Variants in MAP3K4 observed in about 807,000 individuals in gnomAD.
MAP3K4 encodes the protein MAP three kinase 1.
MAP3K4 carries 67 observed loss-of-function variants against 185.6 expected under a neutral mutation model. That is an observed-to-expected ratio of 0.36 (90% confidence interval 0.30 to 0.44). The LOEUF (loss-of-function observed/expected upper bound fraction) is 0.44, where lower values mean the gene tolerates loss of function less well. MAP3K4 is among the 20% of genes least tolerant of loss of function. The pLI is 1.00. For synonymous variants in MAP3K4, 702 were observed against 710.4 expected (o/e 0.99, Z 0.19); for missense variants, 1,551 against 1,995.1 (o/e 0.78, Z 4.24).
chr6:161,037,896 C>T lies in MAP3K4; in HGVS notation c.343+3447C>T, dbSNP rs542681783. Among the ~76,000 whole-genome samples, 2 of 152,210 alleles carry T rather than the reference C, an allele frequency of 1.3e-5. No individual in the cohort carries two copies. The highest frequency in any genetic ancestry group is 1.5e-5 in the Non-Finnish European group (1 of 68,008). On this transcript the variant is annotated intron_variant, in intron 2 of 26. Transcript: ENST00000392142. The surrounding 1 kb of genome is among the most constrained non-coding windows in gnomAD (Gnocchi z 4.2). ...GTGTAGCTACTGTTCCTGCTTCTGT[C>T]CTGCCTGGACTACACATTTCCTTGT...
Position 161,098,765 on chromosome 6 carries a change from C to T in MAP3K4, c.3674+338C>T, listed in dbSNP as rs946015538. 1.3e-5 allele frequency among the ~76,000 whole-genome samples: 2 copies of T among 152,186 alleles called. No homozygotes were observed. Among genetic ancestry groups the T allele is most frequent in the Admixed American group, 6.5e-5 (1 of 15,282 alleles). ...TTGCCTCACAGAGAGAGCCTGGAGTCACAAGGTGGTTAAAAGATGGCATCT... is the reference window on the plus strand; with the variant it reads ...TTGCCTCACAGAGAGAGCCTGGAGTTACAAGGTGGTTAAAAGATGGCATCT... On this transcript the variant is annotated intron_variant, in intron 17 of 26. Coordinates refer to ENST00000392142, the MANE Select transcript of MAP3K4 (RefSeq NM_005922.4). This position sits in a 1 kb window ranked among gnomAD's most constrained non-coding sequence, Gnocchi z 4.4.
chr6:161,068,936 A>T (rs1784818031), intron 3 of MAP3K4, among the ~76,000 whole-genome samples: 1 of 152,188 alleles, frequency 6.6e-6, no homozygotes, highest in African/African-American at 2.4e-5. Flanking sequence ...ACAGTTCTAG[A>T]TGTGGGGGTT....
In MAP3K4 at chr6:161,101,940, A is replaced by G; in HGVS notation, c.3723A>G (p.Glu1241=). 1.9e-6 allele frequency: 3 copies of G among 1,614,162 alleles called. No individual in the cohort carries two copies. The highest frequency in any genetic ancestry group is 4.5e-5 in the East Asian group (2 of 44,882). ...ATCGATTGGCTTCCATAGCTGCTGA[A>G]TTGCAGTTTAGGTCCCTGAGTCGTC... ...ENDRLASIAA[E]LQFRSLSRHS... is the part of the protein sequence containing the mutation. Residue 1241 remains glutamate, a synonymous_variant, in exon 18 of 27, where the codon GAA becomes GAG. Transcript: ENST00000392142. This position sits in a 1 kb window ranked among gnomAD's most constrained non-coding sequence, Gnocchi z 5.1.
intron 1 of MAP3K4, among the ~76,000 whole-genome samples, chr6:161,005,663 AAGT>A (rs1167822246): frequency 6.6e-6 from 1 of 152,226 alleles, no homozygotes; most frequent in Non-Finnish European, 1.5e-5. Context: ...CTTAAGCATT[AAGT>A]AGTAGTAATG....
At chr6:161,094,938 A>G (rs551429498) in intron 15 of MAP3K4, among the ~76,000 whole-genome samples, 1 of 152,346 alleles carries the variant, frequency 6.6e-6, no homozygotes, top group East Asian at 1.9e-4. Flanking sequence ...ATAAGGAATC[A>G]TTTTCATTGT....
At chr6:161,065,083 A>C (rs1235358510) in intron 3 of MAP3K4, among the ~76,000 whole-genome samples, 1 of 152,172 alleles carries the variant, frequency 6.6e-6, no homozygotes, top group Non-Finnish European at 1.5e-5. Context: ...GTCTGTGTGT[A>C]GCTGTCCATA....
In MAP3K4 at chr6:161,033,630, A is replaced by G. The variant is rs190858791; in HGVS notation, c.153-629A>G. The stretch of plus-strand genomic sequence containing the variant: ...CACATAAGATAAAATTTAATGTTTT[A>G]ATCATTTTCAAGTGGTTCAGTGGTA... On this transcript the variant is annotated intron_variant, in intron 1 of 26. Transcript: ENST00000392142. 2.6e-5 allele frequency among the ~76,000 whole-genome samples: 4 copies of G among 152,256 alleles called. No homozygotes were observed. In the East Asian group the frequency reaches 7.7e-4, roughly 29 times the overall value.
rs1195230739 is a variant in MAP3K4, at chr6:161,112,614, A to G, written c.4520-54A>G. On this transcript the variant is annotated intron_variant, in intron 24 of 26. Transcript: ENST00000392142. The surrounding 1 kb of genome is among the most constrained non-coding windows in gnomAD (Gnocchi z 5.1). ...TAATTTATTGCTTGGCTCTATTAAT[A>G]CATGTTGATGTGTTTATAACCCATT... The G allele has an allele frequency of 1.9e-6, 2 of 1,059,530 alleles. No individual in the cohort carries two copies. Among genetic ancestry groups the G allele is most frequent in the South Asian group, 2.6e-5 (1 of 38,840 alleles). 65.6% of individuals were successfully genotyped at this position (1,059,530 alleles called of 1,614,324 possible).
chr6:161,023,861 C>T (rs1782513750), intron 1 of MAP3K4, among the ~76,000 whole-genome samples: 1 of 152,052 alleles, frequency 6.6e-6, no homozygotes, highest in African/African-American at 2.4e-5. Context: ...TCTTTTATAC[C>T]TGTACAGTAA....
chr6:161,044,683 G>A (rs925104532), intron 2 of MAP3K4, among the ~76,000 whole-genome samples: 6 of 152,204 alleles, frequency 3.9e-5, no homozygotes, highest in African/African-American at 1.4e-4. Context: ...ACTTGAGACT[G>A]GGTAATGTGT....
At position 161,109,413 on chromosome 6, in the gene MAP3K4, G is replaced by A. The variant is rs145511840; in HGVS notation, c.4237-342G>A. Among the ~76,000 whole-genome samples the A allele has an allele frequency of 5.3e-5, 8 of 152,306 alleles. No individual in the cohort carries two copies. In the East Asian group the frequency reaches 7.7e-4, roughly 15 times the overall value. On this transcript the variant is annotated intron_variant, in intron 22 of 26. Coordinates refer to ENST00000392142, the MANE Select transcript of MAP3K4 (RefSeq NM_005922.4). This position sits in a 1 kb window ranked among gnomAD's most constrained non-coding sequence, Gnocchi z 5.7. Reference sequence around the variant, plus strand: ...TTATGTTTAAAAAGGATGTGTTTCAGTACTTAATAATGTATTTGTAGGGAC... The same window carrying A: ...TTATGTTTAAAAAGGATGTGTTTCAATACTTAATAATGTATTTGTAGGGAC...
At position 161,106,372 on chromosome 6, in the gene MAP3K4, C is replaced by T; in HGVS notation, c.3857-142C>T. ...GAGTAGCGTTTGAAGAACTTTAATT[C>T]ACCTGCTGTTTATCTGAATAGATAA... On this transcript the variant is annotated intron_variant, in intron 19 of 26. Transcript: ENST00000392142. The surrounding 1 kb of genome is among the most constrained non-coding windows in gnomAD (Gnocchi z 4.9). 1 of 570,716 alleles carries T rather than the reference C, an allele frequency of 1.8e-6. No individual in the cohort carries two copies. The highest frequency in any genetic ancestry group is 3.1e-6 in the Non-Finnish European group (1 of 327,382). 35.4% of individuals were successfully genotyped at this position (570,716 alleles called of 1,614,324 possible). A position where few individuals can be genotyped will look rare whatever the true frequency, so the allele number is the denominator to read the frequency against.
rs766558151 is a variant in MAP3K4, at chr6:161,087,969, CA to C, written c.2823+16del. 1 of 1,602,036 alleles carries C rather than the reference CA, an allele frequency of 6.2e-7. No homozygotes were observed. Among genetic ancestry groups the C allele is most frequent in the Non-Finnish European group, 8.5e-7 (1 of 1,176,562 alleles). On this transcript the variant is annotated intron_variant, in intron 10 of 26. Coordinates refer to ENST00000392142, the MANE Select transcript of MAP3K4 (RefSeq NM_005922.4). This position sits in a 1 kb window ranked among gnomAD's most constrained non-coding sequence, Gnocchi z 4.9. ...GAAGCATGCAGGTACAGCTCATCTCCATCTTTGCAGCAGTGTTACTTCAAGG... is the reference window on the plus strand; with the variant it reads ...GAAGCATGCAGGTACAGCTCATCTCCTCTTTGCAGCAGTGTTACTTCAAGG...
rs1283156963 is a variant in MAP3K4, at chr6:161,097,854, G to T, written c.3525-424G>T. On this transcript the variant is annotated intron_variant, in intron 16 of 26. Coordinates refer to ENST00000392142, the MANE Select transcript of MAP3K4 (RefSeq NM_005922.4). The surrounding 1 kb of genome is among the most constrained non-coding windows in gnomAD (Gnocchi z 4.9). ...TGTAATTCCAGCACTTTAGGAGGACGAGGCGGGAGGATCACTTGAGCCCAG... is the reference window on the plus strand; with the variant it reads ...TGTAATTCCAGCACTTTAGGAGGACTAGGCGGGAGGATCACTTGAGCCCAG... 2.0e-5 allele frequency among the ~76,000 whole-genome samples: 3 copies of T among 151,966 alleles called. No individual in the cohort carries two copies. Among genetic ancestry groups the T allele is most frequent in the Non-Finnish European group, 4.4e-5 (3 of 68,004 alleles).
chr6:161,108,893 G>A lies in MAP3K4; in HGVS notation c.4236+34G>A. 5 of 1,594,332 alleles carry A rather than the reference G, an allele frequency of 3.1e-6. No individual in the cohort carries two copies. The highest frequency in any genetic ancestry group is 4.3e-6 in the Non-Finnish European group (5 of 1,162,076). ...ACCCTAATGCCACTCTTTGTGTGAG[G>A]AATCAGTGAGGGCACAGAATGGAGT... On this transcript the variant is annotated intron_variant, in intron 22 of 26. Transcript: ENST00000392142. This position sits in a 1 kb window ranked among gnomAD's most constrained non-coding sequence, Gnocchi z 5.7.
At position 161,074,210 on chromosome 6, in the gene MAP3K4, G is replaced by A. The variant is rs1785070277; in HGVS notation, c.2097+598G>A. Among the ~76,000 whole-genome samples, 1 of 152,324 alleles carries A rather than the reference G, an allele frequency of 6.6e-6. No homozygotes were observed. Among genetic ancestry groups the A allele is most frequent in the South Asian group, 2.1e-4 (1 of 4,820 alleles). ...AGGAAGCTGAATCTTAAAAAGATGAGTTAAGGGTTAGTTAAGGAACCTGGC... is the reference window on the plus strand; with the variant it reads ...AGGAAGCTGAATCTTAAAAAGATGAATTAAGGGTTAGTTAAGGAACCTGGC... On this transcript the variant is annotated intron_variant, in intron 5 of 26. Transcript: ENST00000392142. This position sits in a 1 kb window ranked among gnomAD's most constrained non-coding sequence, Gnocchi z 5.0.
At chr6:161,039,279 C>CAAAAAAAAAAAAAA (rs3050259) in intron 2 of MAP3K4, among the ~76,000 whole-genome samples, 3 of 71,964 alleles carry the variant, frequency 4.2e-5, no homozygotes, top group Non-Finnish European at 5.5e-5. Context: ...CGCAAAAATG[C>CAAAAAAAAAAAAAA]AAAAAAAAAA....
At chr6:161,089,592 A>T in intron 11 of MAP3K4, 121 bp downstream of exon 11, 1 of 935,170 alleles carries the variant, frequency 1.1e-6, no homozygotes, top group Non-Finnish European at 1.6e-6. Flanking sequence ...CTGCCCACTC[A>T]CCTCTCTTCC....
At chr6:161,035,730 A>G (rs576961581) in intron 2 of MAP3K4, among the ~76,000 whole-genome samples, 37 of 152,340 alleles carry the variant, frequency 2.4e-4, no homozygotes, top group Middle Eastern at 3.4e-3. Flanking sequence ...TTTCTTATCT[A>G]TGGTAGGAAT....
Sources: gnomAD v4.1 joint callset for allele counts (sites outside exome capture counted in the v4.1 genomes callset) on GRCh38, gnomAD v4.1.1 for gene constraint, Gnocchi (gnomAD v3.1) non-coding constraint, MANE v1.5 for transcripts, NCBI Gene and HGNC (gene_info 2026-07-23, HGNC 2026-07-21) for gene names.